Variants in ESPN observed in about 807,000 individuals in gnomAD.
ESPN encodes the protein autosomal recessive deafness type 36 protein.
Under a neutral mutation model 77.7 loss-of-function variants are expected in ESPN, and 68 were observed. The observed-to-expected ratio is 0.87, with a 90% CI of 0.72 to 1.07. The LOEUF is 1.07. ESPN is among the 50% of genes least tolerant of loss of function. The pLI is 0.00. For missense variants in ESPN, 1,060 were observed against 1,239.0 expected (o/e 0.86, Z 2.17); for synonymous variants, 449 against 567.1 (o/e 0.79, Z 2.96).
chr1:6,448,599 C>A lies in ESPN; in HGVS notation c.1465-42C>A, dbSNP rs573842956. 70 of 1,522,610 alleles carry A rather than the reference C, an allele frequency of 4.6e-5. No individual in the cohort carries two copies. In the African/African-American group the frequency reaches 8.6e-4, roughly 19 times the overall value. 94.3% of individuals were successfully genotyped at this position (1,522,610 alleles called of 1,614,324 possible). On this transcript the variant is annotated intron_variant, in intron 7 of 12. Coordinates refer to ENST00000645284, the MANE Select transcript of ESPN (RefSeq NM_031475.3). Reference sequence around the variant, plus strand: ...GTGGGGAGGCGTGGGGGGCGCCTACCGGGCAGGTGCCCGAGCCCCACCGGT... The same window carrying A: ...GTGGGGAGGCGTGGGGGGCGCCTACAGGGCAGGTGCCCGAGCCCCACCGGT...
At position 6,450,013 on chromosome 1, in the gene ESPN, A is replaced by G. The variant is rs1643917595; in HGVS notation, c.1915+922A>G. ...TATGGAGCCCCAGCCCCTGCAGACC[A>G]GAGCCCATGTAAGCAAGTCCAGCAC... On this transcript the variant is annotated intron_variant, in intron 8 of 12. Transcript: ENST00000645284. The surrounding 1 kb of genome is among the most constrained non-coding windows in gnomAD (Gnocchi z 4.3). Among the ~76,000 whole-genome samples, 1 of 152,182 alleles carries G rather than the reference A, an allele frequency of 6.6e-6. No homozygotes were observed. The highest frequency in any genetic ancestry group is 2.4e-5 in the African/African-American group (1 of 41,446).
intron 10 of ESPN, chr1:6,456,789 G>C: frequency 3.0e-6 from 1 of 333,904 alleles, no homozygotes; most frequent in African/African-American, 2.1e-5. Context: ...TCACAGGGGA[G>C]CCAGGGGCAG....
chr1:6,459,054 A>G (rs148713855), intron 12 of ESPN, among the ~76,000 whole-genome samples: 3,779 of 152,116 alleles, frequency 0.025, 139 homozygotes, highest in African/African-American at 0.085. Flanking sequence ...CAGCCTGACC[A>G]ACATGGTGAA....
chr1:6,440,282 G>A lies in ESPN; in HGVS notation c.517G>A (p.Ala173Thr). 6.4e-7 allele frequency: 1 copy of A among 1,551,328 alleles called. No individual in the cohort carries two copies. The highest frequency in any genetic ancestry group is 2.4e-5 in the East Asian group (1 of 41,044). ...EGVNAQTKNG[A>T]TPLYLACQEG... Reference sequence around the variant, plus strand: ...AGTGAATGCCCAAACCAAGAACGGTGCCACGCCCCTGTACCTGGCGTGCCA... The same window carrying A: ...AGTGAATGCCCAAACCAAGAACGGTACCACGCCCCTGTACCTGGCGTGCCA... Residue 173 changes from alanine (A) to threonine (T), a missense_variant, in exon 3 of 13, where the codon GCC becomes ACC. By Grantham distance (58) the Ala-to-Thr change is moderately conservative. Around this residue, in one of 3 missense-constraint regions of ESPN, gnomAD observed 556 missense variants for 633.6 expected, o/e 0.88. Transcript: ENST00000645284.
intron 10 of ESPN, 69 bp downstream of exon 10, chr1:6,452,165 AC>A: frequency 7.0e-7 from 1 of 1,434,374 alleles, no homozygotes; most frequent in South Asian, 1.4e-5. Flanking sequence ...CCCCCACGCC[AC>A]CCCCAACCCC....
At chr1:6,432,684 G>T (rs1412730204) in intron 2 of ESPN, among the ~76,000 whole-genome samples, 1 of 152,238 alleles carries the variant, frequency 6.6e-6, no homozygotes, top group Non-Finnish European at 1.5e-5. Context: ...TCACGTGGGG[G>T]CTACCTGAAC....
intron 7 of ESPN, among the ~76,000 whole-genome samples, chr1:6,446,189 C>T (rs1643831504): frequency 6.6e-6 from 1 of 152,156 alleles, no homozygotes; most frequent in Non-Finnish European, 1.5e-5. Context: ...GACAGCTGTG[C>T]CTCACCAGGA....
chr1:6,436,157 C>T (rs1643431045), intron 2 of ESPN, among the ~76,000 whole-genome samples: 1 of 151,428 alleles, frequency 6.6e-6, no homozygotes, highest in Admixed American at 6.6e-5. Context: ...GAGGGACAGA[C>T]CAACCAAGAG....
intron 12 of ESPN, among the ~76,000 whole-genome samples, chr1:6,458,004 C>T (rs12145573): frequency 6.7e-5 from 9 of 133,774 alleles, no homozygotes; most frequent in African/African-American, 1.7e-4. Context: ...AGACCTCATT[C>T]TGCGAAAAAA....
chr1:6,445,744 A>G lies in ESPN; in HGVS notation c.1273A>G (p.Ile425Val). The G allele has an allele frequency of 1.2e-6, 2 of 1,606,084 alleles. No individual in the cohort carries two copies. The highest frequency in any genetic ancestry group is 1.1e-5 in the South Asian group (1 of 90,172). ...GGAGCTGGGCCTGCCTCGGGGCACG[A>G]TTGGGAAGCCCACACCCCCACCACC... The part of the protein sequence containing the change: ...NPELGLPRGT[I>V]GKPTPPPPPP... Residue 425 changes from isoleucine (I) to valine (V), a missense_variant, in exon 7 of 13, where the codon ATT (isoleucine) becomes GTT (valine). Physicochemically the swap from Ile to Val is conservative, Grantham distance 29 (BLOSUM62 3). Around this residue, in one of 3 missense-constraint regions of ESPN, gnomAD observed 556 missense variants for 633.6 expected, o/e 0.88. Coordinates refer to ENST00000645284, the MANE Select transcript of ESPN (RefSeq NM_031475.3).
chr1:6,448,324 C>T (rs199607757), intron 7 of ESPN: 37 of 316,142 alleles, frequency 1.2e-4, no homozygotes, highest in Non-Finnish European at 1.8e-4. Flanking sequence ...GCCCCTTCGC[C>T]AGCTCCCCCT....
chr1:6,443,412 A>G (rs1290547740), intron 5 of ESPN, among the ~76,000 whole-genome samples: 2 of 152,218 alleles, frequency 1.3e-5, no homozygotes, highest in Non-Finnish European at 2.9e-5. Flanking sequence ...CCAGCCTCTT[A>G]TCTGCTGCCT....
intron 1 of ESPN, among the ~76,000 whole-genome samples, chr1:6,425,626 A>G (rs1441568554): frequency 6.6e-6 from 1 of 152,258 alleles, no homozygotes; most frequent in Non-Finnish European, 1.5e-5. Flanking sequence ...CCAGGACCGG[A>G]TCTGAAAGGA....
chr1:6,440,374 C>A lies in ESPN; in HGVS notation c.609C>A (p.Ala203=). The change falls in exon 3 of 13, where the codon GCC becomes GCA. Residue 203 remains alanine, a synonymous_variant. Coordinates refer to ENST00000645284, the MANE Select transcript of ESPN (RefSeq NM_031475.3). ...GCGGCGCAGACCCGCACGCGCGCGCCCACGACGGCATGACCCCGCTGCACG... is the reference window on the plus strand; with the variant it reads ...GCGGCGCAGACCCGCACGCGCGCGCACACGACGGCATGACCCCGCTGCACG... ...QECGADPHAR[A]HDGMTPLHAA... The A allele has an allele frequency of 5.7e-6, 9 of 1,588,664 alleles. No homozygotes were observed. The highest frequency in any genetic ancestry group is 1.1e-5 in the South Asian group (1 of 88,032).
Position 6,451,421 on chromosome 1 carries a change from G to A in ESPN, c.1916-182G>A, listed in dbSNP as rs1643940552. Reference sequence around the variant, plus strand: ...GGTTGCCACAGTCAGGGAACCAAGGGCCCGCCTCTGGGGGCCCTGAAACCT... The same window carrying A: ...GGTTGCCACAGTCAGGGAACCAAGGACCCGCCTCTGGGGGCCCTGAAACCT... On this transcript the variant is annotated intron_variant, in intron 8 of 12. Transcript: ENST00000645284. This position sits in a 1 kb window ranked among gnomAD's most constrained non-coding sequence, Gnocchi z 4.3. 3 of 775,108 alleles carry A rather than the reference G, an allele frequency of 3.9e-6. No homozygotes were observed. The highest frequency in any genetic ancestry group is 6.4e-6 in the Non-Finnish European group (3 of 472,322). 48.0% of individuals were successfully genotyped at this position (775,108 alleles called of 1,614,324 possible). A position where few individuals can be genotyped will look rare whatever the true frequency, so the allele number is the denominator to read the frequency against.
At chr1:6,449,767 G>A (rs903891408) in intron 8 of ESPN, among the ~76,000 whole-genome samples, 5 of 152,186 alleles carry the variant, frequency 3.3e-5, no homozygotes, top group Non-Finnish European at 7.3e-5. Flanking sequence ...GACTGGTGCA[G>A]GATTCCTGGG....
rs187106571 is a variant in ESPN, at chr1:6,451,141, T to C, written c.1916-462T>C. Among the ~76,000 whole-genome samples the C allele has an allele frequency of 8.4e-3, 1,275 of 152,312 alleles. 13 individuals are homozygous for C. The highest frequency in any genetic ancestry group is 0.03 in the African/African-American group (1,238 of 41,554). On this transcript the variant is annotated intron_variant, in intron 8 of 12. Transcript: ENST00000645284. This position sits in a 1 kb window ranked among gnomAD's most constrained non-coding sequence, Gnocchi z 4.3. ...CTCTGGGGTCCGGACTTTATGTCCA[T>C]GGAGGCCCCAATTGACTCAGTTCAA...
At chr1:6,456,787 G>A (rs1022384036) in intron 10 of ESPN, 1 of 331,196 alleles carries the variant, frequency 3.0e-6, no homozygotes, top group Admixed American at 4.6e-5. Context: ...CTTCACAGGG[G>A]AGCCAGGGGC....
chr1:6,445,533 A>G (rs1007559791), intron 6 of ESPN, 131 bp from the exon 7 acceptor site: 1 of 974,510 alleles, frequency 1.0e-6, no homozygotes, highest in Non-Finnish European at 1.6e-6. Context: ...GGGCCACAGC[A>G]GGTGTACCAA....
Sources: allele counts gnomAD v4.1 joint callset (sites outside exome capture counted in the v4.1 genomes callset), GRCh38; gene constraint gnomAD v4.1.1; regional missense constraint gnomAD v4.1.1; non-coding constraint Gnocchi (gnomAD v3.1); transcripts MANE v1.5; gene names NCBI Gene and HGNC (gene_info 2026-07-23, HGNC 2026-07-21).